Variants in TRIO observed in about 807,000 individuals in gnomAD.
The protein encoded by TRIO is triple functional domain protein.
TRIO carries 58 observed loss-of-function variants against 351.9 expected under a neutral mutation model. The ratio of observed to expected loss-of-function variants is 0.16; its 90% CI spans 0.13 to 0.21. The LOEUF (loss-of-function observed/expected upper bound fraction) is 0.21. Among genes scored for constraint, TRIO ranks in the 10% least tolerant of loss-of-function variants. The pLI is 1.00. For synonymous variants in TRIO, 1,758 were observed against 1,595.7 expected (o/e 1.10, Z -2.42); for missense variants, 3,201 against 4,027.8 (o/e 0.79, Z 5.56).
intron 1 of TRIO, among the ~76,000 whole-genome samples, chr5:14,179,834 G>A (rs1789642238): frequency 6.6e-6 from 1 of 152,122 alleles, no homozygotes; most frequent in Non-Finnish European, 1.5e-5. Flanking sequence ...GCTCAGGTGT[G>A]TAATCCCGGC....
intron 9 of TRIO, among the ~76,000 whole-genome samples, chr5:14,317,655 A>G (rs1052618070): frequency 1.3e-5 from 2 of 152,214 alleles, no homozygotes; most frequent in Non-Finnish European, 2.9e-5. Flanking sequence ...ATTCACCATC[A>G]TTCTCATCAT....
At chr5:14,433,170 A>G (rs1751315732) in intron 34 of TRIO, among the ~76,000 whole-genome samples, 1 of 152,260 alleles carries the variant, frequency 6.6e-6, no homozygotes, top group East Asian at 1.9e-4. Flanking sequence ...TGTTAAAGAA[A>G]GAGAAAAACT....
intron 1 of TRIO, among the ~76,000 whole-genome samples, chr5:14,145,772 A>T (rs455945): frequency 0.29 from 44,169 of 151,802 alleles, 6,648 homozygotes; most frequent in East Asian, 0.48. Flanking sequence ...GCTGCTGCTA[A>T]GAGCCCTCCC....
At chr5:14,264,789 G>C (rs1429776979) in intron 1 of TRIO, among the ~76,000 whole-genome samples, 1 of 152,206 alleles carries the variant, frequency 6.6e-6, no homozygotes, top group Non-Finnish European at 1.5e-5. Context: ...AGAAGTGGCC[G>C]GCCCGGAGAG....
chr5:14,388,648 C>G lies in TRIO; in HGVS notation c.3917C>G (p.Ala1306Gly). 1 of 1,606,962 alleles carries G rather than the reference C, an allele frequency of 6.2e-7. No individual in the cohort carries two copies. Among genetic ancestry groups the G allele is most frequent in the Non-Finnish European group, 8.5e-7 (1 of 1,177,258 alleles). Reference sequence around the variant, plus strand: ...GCTGAGCTCATTCAAACTGAAAAGGCTTATGTAAGAGACCTCCGGGAATGT... The same window carrying G: ...GCTGAGCTCATTCAAACTGAAAAGGGTTATGTAAGAGACCTCCGGGAATGT... ...IMAELIQTEK[A>G]YVRDLRECMD... Residue 1306 changes from alanine to glycine, a missense_variant, in exon 24 of 57, where the codon GCT (alanine) becomes GGT (glycine). This residue lies in a region of TRIO where 115 missense variants were observed against 239.6 expected (regional missense o/e 0.48). Coordinates refer to ENST00000344204, the MANE Select transcript of TRIO (RefSeq NM_007118.4).
intron 34 of TRIO, among the ~76,000 whole-genome samples, chr5:14,434,675 T>C (rs994217695): frequency 6.6e-6 from 1 of 152,188 alleles, no homozygotes; most frequent in Admixed American, 6.5e-5. Context: ...TTATCCTGGA[T>C]TTTGCTTTCA....
chr5:14,437,555 AG>A (rs1191005844), intron 34 of TRIO, among the ~76,000 whole-genome samples: 3 of 152,186 alleles, frequency 2.0e-5, no homozygotes, highest in Non-Finnish European at 4.4e-5. Context: ...GTTAGAGATC[AG>A]GGTGTCAGCA....
intron 16 of TRIO, among the ~76,000 whole-genome samples, chr5:14,367,923 G>A (rs890741656): frequency 2.0e-5 from 3 of 152,140 alleles, no homozygotes; most frequent in Admixed American, 2.0e-4. Context: ...CTGGGTAAAG[G>A]ATTAGAATAT....
At chr5:14,320,227 T>C (rs1739757942) in intron 9 of TRIO, among the ~76,000 whole-genome samples, 1 of 152,194 alleles carries the variant, frequency 6.6e-6, no homozygotes, top group Non-Finnish European at 1.5e-5. Context: ...CTACACACTG[T>C]TTTCTAGTTT....
At chr5:14,273,055 C>A (rs942811375) in intron 2 of TRIO, among the ~76,000 whole-genome samples, 2 of 152,122 alleles carry the variant, frequency 1.3e-5, no homozygotes, top group Non-Finnish European at 2.9e-5. Flanking sequence ...AATTCCAGAA[C>A]CTTTTCATCA....
chr5:14,399,642 G>A (rs566907776), intron 30 of TRIO, among the ~76,000 whole-genome samples: 1 of 152,182 alleles, frequency 6.6e-6, no homozygotes, highest in South Asian at 2.1e-4. Flanking sequence ...TGGCAGATCC[G>A]GTGATGCATT....
At chr5:14,238,172 A>G (rs1793893778) in intron 1 of TRIO, among the ~76,000 whole-genome samples, 3 of 152,256 alleles carry the variant, frequency 2.0e-5, no homozygotes, top group African/African-American at 7.2e-5. Context: ...TTTAGTAGGA[A>G]TAAAAGTTAG....
chr5:14,492,622 C>T lies in TRIO; in HGVS notation c.7688C>T (p.Thr2563Met), dbSNP rs751663099. ...ACCATGTTGGTGACACACGATTACA[C>T]GGCAGTGAAGGAGGATGAGATCAAC... ...ISTMLVTHDYTAVKEDEINVY... is the reference protein window; with the variant it reads ...ISTMLVTHDYMAVKEDEINVY... Residue 2563 changes from threonine (T) to methionine (M), a missense_variant, in exon 49 of 57, where the codon ACG becomes ATG. Physicochemically the swap from Thr to Met is moderately conservative, Grantham distance 81. Transcript: ENST00000344204. 36 of 1,614,008 alleles carry T rather than the reference C, an allele frequency of 2.2e-5. No individual in the cohort carries two copies. The highest frequency in any genetic ancestry group is 1.6e-4 in the Middle Eastern group (1 of 6,084).
chr5:14,185,858 G>T (rs940698066), intron 1 of TRIO, among the ~76,000 whole-genome samples: 1 of 152,156 alleles, frequency 6.6e-6, no homozygotes, highest in Admixed American at 6.5e-5. Context: ...ACATGGGGTG[G>T]GGTGAGGAGT....
At chr5:14,153,151 C>T (rs954307299) in intron 1 of TRIO, among the ~76,000 whole-genome samples, 24 of 152,192 alleles carry the variant, frequency 1.6e-4, no homozygotes, top group Non-Finnish European at 3.1e-4. Context: ...CACAGATTTT[C>T]GGTGATAACC....
At chr5:14,185,998 C>T (rs1226778991) in intron 1 of TRIO, among the ~76,000 whole-genome samples, 3 of 152,224 alleles carry the variant, frequency 2.0e-5, no homozygotes, top group Non-Finnish European at 4.4e-5. Flanking sequence ...TTTTCCTAGG[C>T]AGCTGGGGAC....
At chr5:14,239,623 A>T (rs1240622311) in intron 1 of TRIO, among the ~76,000 whole-genome samples, 1 of 152,190 alleles carries the variant, frequency 6.6e-6, no homozygotes. Context: ...GAGTGTTAAC[A>T]GCCTGCCCAA....
At chr5:14,213,192 G>C (rs1792016317) in intron 1 of TRIO, among the ~76,000 whole-genome samples, 1 of 152,138 alleles carries the variant, frequency 6.6e-6, no homozygotes, top group East Asian at 1.9e-4. Flanking sequence ...TGAAGGAGAA[G>C]GAAAGTACAA....
intron 1 of TRIO, among the ~76,000 whole-genome samples, chr5:14,245,232 C>T (rs999858995): frequency 6.6e-6 from 1 of 152,194 alleles, no homozygotes; most frequent in African/African-American, 2.4e-5. Flanking sequence ...TGTAAAAGCT[C>T]CTTTGCACCT....
Sources: allele counts gnomAD v4.1 joint callset (sites outside exome capture counted in the v4.1 genomes callset), GRCh38; gene constraint gnomAD v4.1.1; regional missense constraint gnomAD v4.1.1; transcripts MANE v1.5; gene names NCBI Gene and HGNC (gene_info 2026-07-23, HGNC 2026-07-21).